SMARCA4: variants seen among roughly 807,000 people sequenced by gnomAD.
SMARCA4 encodes SWI/SNF-related matrix-associated actin-dependent regulator of chromatin subfamily A member 4.
Under a neutral mutation model 193.9 loss-of-function variants are expected in SMARCA4, and 31 were observed. The observed-to-expected ratio is 0.16, with a 90% CI of 0.12 to 0.22. The LOEUF is 0.22. Ranked by LOEUF, SMARCA4 falls within the 10% of genes least tolerant of loss-of-function variation. The pLI, the probability that SMARCA4 is intolerant of heterozygous loss-of-function variation, is 1.00. For missense variants in SMARCA4, 1,148 were observed against 2,296.0 expected (o/e 0.50, Z 10.22); for synonymous variants, 942 against 933.1 (o/e 1.01, Z -0.17).
At chr19:11,048,921 C>T (rs985478904) in intron 30 of SMARCA4, among the ~76,000 whole-genome samples, 4 of 152,212 alleles carry the variant, frequency 2.6e-5, no homozygotes, top group Non-Finnish European at 5.9e-5. Flanking sequence ...CCTCCCAAGG[C>T]CCTGGAGTGT....
At chr19:11,054,326 G>A (rs1345048011) in intron 30 of SMARCA4, among the ~76,000 whole-genome samples, 3 of 152,200 alleles carry the variant, frequency 2.0e-5, no homozygotes, top group East Asian at 1.9e-4. Context: ...TGCCCACCTC[G>A]GGACCTGCTG....
At chr19:11,059,108 T>A in intron 32 of SMARCA4, 1 of 510,400 alleles carries the variant, frequency 2.0e-6, no homozygotes, top group Non-Finnish European at 3.5e-6. Flanking sequence ...GACCCTGTCT[T>A]TAAAAAAAAA....
chr19:11,024,216 G>A, intron 20 of SMARCA4, 115 bp from the exon 21 acceptor site: 1 of 754,722 alleles, frequency 1.3e-6, no homozygotes, highest in East Asian at 2.5e-5. Flanking sequence ...ACACCCCAGT[G>A]TGCTCTGGTC....
rs2086207488 is a variant in SMARCA4, at chr19:10,987,928, A to T, written c.1118+4A>T. ...TCCTGCAGGAGCGCGAGTACAGGTG[A>T]GGGCGGGGCCCAGTTGCCAAGGTCA... On this transcript the variant is annotated splice_donor_region_variant and intron_variant, in intron 6 of 34. Coordinates refer to ENST00000344626, the MANE Select transcript of SMARCA4 (RefSeq NM_003072.5). The surrounding 1 kb of genome is among the most constrained non-coding windows in gnomAD (Gnocchi z 5.3). 6.2e-7 allele frequency: 1 copy of T among 1,612,170 alleles called. No individual in the cohort carries two copies. The highest frequency in any genetic ancestry group is 8.5e-7 in the Non-Finnish European group (1 of 1,179,860).
At position 11,019,597 on chromosome 19, in the gene SMARCA4, C is replaced by A. The variant is rs2146372969; in HGVS notation, c.2512C>A (p.Pro838Thr). The A allele has an allele frequency of 6.2e-7, 1 of 1,609,728 alleles. No individual in the cohort carries two copies. The highest frequency in any genetic ancestry group is 8.5e-7 in the Non-Finnish European group (1 of 1,177,568). ...SVVKVSYKGSPAARRAFVPQL... is the reference protein window; with the variant it reads ...SVVKVSYKGSTAARRAFVPQL... ...CATCCTGCTTCCCTTGCAGGGATCCCCAGCAGCAAGACGGGCCTTTGTCCC... is the reference window on the plus strand; with the variant it reads ...CATCCTGCTTCCCTTGCAGGGATCCACAGCAGCAAGACGGGCCTTTGTCCC... The change falls in exon 18 of 35, where the codon CCA (proline) becomes ACA (threonine). Residue 838 changes from proline to threonine, a missense_variant. Pro to Thr is a conservative substitution (Grantham distance 38, BLOSUM62 -1). Coordinates refer to ENST00000344626, the MANE Select transcript of SMARCA4 (RefSeq NM_003072.5). This position sits in a 1 kb window ranked among gnomAD's most constrained non-coding sequence, Gnocchi z 6.1.
At chr19:10,975,908 C>T (rs368419786) in intron 1 of SMARCA4, among the ~76,000 whole-genome samples, 3 of 152,298 alleles carry the variant, frequency 2.0e-5, no homozygotes, top group East Asian at 1.9e-4. Flanking sequence ...ATCCAAGGGC[C>T]GCACACATCT....
rs2083759899 is a variant in SMARCA4 at position 10,961,158 on chromosome 19, G to C, written c.-48G>C. The C allele has an allele frequency of 2.0e-5, 3 of 148,778 alleles. No individual in the cohort carries two copies. In the East Asian group the frequency reaches 5.9e-4, roughly 29 times the overall value. The allele number at this position is 148,778 out of a possible 1,614,324, so 9.2% of individuals were successfully genotyped here. On this transcript the variant is annotated 5_prime_UTR_variant, in exon 1 of 35. Transcript: ENST00000344626. ...GCGGGGGAGGCGCCGGGAAGTCGAC[G>C]GCGCCGGCGGCTCCTGGTAAGGAAC...
chr19:11,058,094 G>A lies in SMARCA4; in HGVS notation c.4425-161G>A, dbSNP rs1157449067. The stretch of plus-strand genomic sequence containing the variant: ...GCACTCCAGCCTGGGCAGCAAGAGC[G>A]AAACTCCGTCTCAAAAAAAAAAAAA... On this transcript the variant is annotated intron_variant, in intron 30 of 34. Coordinates refer to ENST00000344626, the MANE Select transcript of SMARCA4 (RefSeq NM_003072.5). The surrounding 1 kb of genome is among the most constrained non-coding windows in gnomAD (Gnocchi z 5.8). 6.9e-6 allele frequency among the ~76,000 whole-genome samples: 1 copy of A among 144,116 alleles called. No individual in the cohort carries two copies. Among genetic ancestry groups the A allele is most frequent in the Non-Finnish European group, 1.5e-5 (1 of 65,612 alleles). The allele number at this position is 144,116 out of a possible 152,430, so 94.5% of individuals were successfully genotyped here. A position where few individuals can be genotyped will look rare whatever the true frequency, so the allele number is the denominator to read the frequency against.
At chr19:10,961,772 T>C (rs1027226270) in intron 1 of SMARCA4, 7 of 152,106 alleles carry the variant, frequency 4.6e-5, no homozygotes, top group Non-Finnish European at 7.4e-5. Context: ...GACTTCAAAA[T>C]GTTTGCCCGA....
chr19:11,018,752 T>G (rs2089599815), intron 16 of SMARCA4: 3 of 675,886 alleles, frequency 4.4e-6, no homozygotes, highest in Non-Finnish European at 8.2e-6. Flanking sequence ...TGGCCTCCCT[T>G]CTGTCCTCTG....
intron 30 of SMARCA4, among the ~76,000 whole-genome samples, chr19:11,046,366 A>G (rs1369938458): frequency 6.6e-6 from 1 of 152,212 alleles, no homozygotes; most frequent in Non-Finnish European, 1.5e-5. Flanking sequence ...TCACACAGCA[A>G]TGCTCCTGTC....
rs1555763943 is a variant in SMARCA4 at position 10,996,498 on chromosome 19, C to T, written c.1766C>T (p.Ala589Val). ...EKKKKKKKKK[A>V]ENAEGQTPAI... is the part of the protein sequence containing the mutation. ...CGTGTCTCTCTCTATTTCCAGAAGG[C>T]AGAAAATGCAGAAGGACAGACGCCT... The change falls in exon 11 of 35, where the codon GCA becomes GTA. Residue 589 changes from alanine to valine, a missense_variant. By Grantham distance (64) the Ala-to-Val change is moderately conservative. Transcript: ENST00000344626. 6.2e-7 allele frequency: 1 copy of T among 1,614,228 alleles called. No individual in the cohort carries two copies. Among genetic ancestry groups the T allele is most frequent in the Non-Finnish European group, 8.5e-7 (1 of 1,180,034 alleles).
At chr19:11,027,160 G>A (rs931303558) in intron 23 of SMARCA4, among the ~76,000 whole-genome samples, 3 of 152,222 alleles carry the variant, frequency 2.0e-5, no homozygotes, top group Non-Finnish European at 2.9e-5. Flanking sequence ...CAAGAAGAGA[G>A]GCGCCTAATG....
In SMARCA4 at chr19:11,034,268, C is replaced by T. The variant is rs750667834; in HGVS notation, c.3951+68C>T. On this transcript the variant is annotated intron_variant, in intron 28 of 34. Coordinates refer to ENST00000344626, the MANE Select transcript of SMARCA4 (RefSeq NM_003072.5). This position sits in a 1 kb window ranked among gnomAD's most constrained non-coding sequence, Gnocchi z 7.0. ...CTGCTGCCACCAGGAGCAAAGCAGA[C>T]GTCCTAGTGCCCATGGTGGTATCCC... 1.1e-4 allele frequency: 128 copies of T among 1,215,744 alleles called. No homozygotes were observed. The highest frequency in any genetic ancestry group is 1.4e-4 in the Non-Finnish European group (116 of 818,874). 75.3% of individuals were successfully genotyped at this position (1,215,744 alleles called of 1,614,324 possible).
In SMARCA4 at chr19:10,986,571, T is replaced by G; in HGVS notation, c.738T>G (p.Pro246=). ...CCGGCCCGGGTCCCGGCCCGGCACC[T>G]CCAAATTACAGCAGGCCTCATGGTA... ...PGPGPGPGPA[P]PNYSRPHGMG... The change falls in exon 4 of 35, where the codon CCT becomes CCG. Residue 246 remains proline, a synonymous_variant. Coordinates refer to ENST00000344626, the MANE Select transcript of SMARCA4 (RefSeq NM_003072.5). The surrounding 1 kb of genome is among the most constrained non-coding windows in gnomAD (Gnocchi z 6.7). The G allele has an allele frequency of 6.5e-7, 1 of 1,536,928 alleles. No homozygotes were observed. The highest frequency in any genetic ancestry group is 1.4e-5 in the African/African-American group (1 of 73,098).
At chr19:11,002,799 CAAAAAAAAA>C (rs747143883) in intron 11 of SMARCA4, among the ~76,000 whole-genome samples, 1 of 83,680 alleles carries the variant, frequency 1.2e-5, no homozygotes, top group Non-Finnish European at 2.4e-5. Context: ...GACTCCGTCT[CAAAAAAAAA>C]AAAAAAAAAA....
At position 11,044,574 on chromosome 19, in the gene SMARCA4, G is replaced by A. The variant is rs1394766473; in HGVS notation, c.4424+3014G>A. On this transcript the variant is annotated intron_variant, in intron 30 of 34. Transcript: ENST00000344626. ...GCATCACAACTTCAAGAAAATGCTC[G>A]TTAAAACCAGAGTGACTTGCACCAG... Among the ~76,000 whole-genome samples, 5 of 152,240 alleles carry A rather than the reference G, an allele frequency of 3.3e-5. No homozygotes were observed. In the East Asian group the frequency reaches 5.8e-4, roughly 18 times the overall value.
rs1555771694 is a variant in SMARCA4, at chr19:11,008,021, T to C, written c.2121T>C (p.Ile707=). The C allele has an allele frequency of 6.2e-7, 1 of 1,612,794 alleles. No homozygotes were observed. Among genetic ancestry groups the C allele is most frequent in the Non-Finnish European group, 8.5e-7 (1 of 1,179,268 alleles). The part of the protein sequence containing the change: ...DVSEVDARHI[I]ENAKQDVDDE... ...CTGAGGTGGACGCGCGGCACATCATTGAGTAAGGGGTCCCGACACAGGTTG... is the reference window on the plus strand; with the variant it reads ...CTGAGGTGGACGCGCGGCACATCATCGAGTAAGGGGTCCCGACACAGGTTG... Residue 707 remains isoleucine (I), a splice_region_variant and synonymous_variant, in exon 14 of 35, where the codon ATT becomes ATC. Transcript: ENST00000344626.
chr19:11,001,771 C>A (rs1172132273), intron 11 of SMARCA4, among the ~76,000 whole-genome samples: 3 of 152,158 alleles, frequency 2.0e-5, no homozygotes, highest in Non-Finnish European at 4.4e-5. Context: ...GTTATAAATT[C>A]CTGGAAGATG....
Sources: allele counts gnomAD v4.1 joint callset (sites outside exome capture counted in the v4.1 genomes callset), GRCh38; gene constraint gnomAD v4.1.1; non-coding constraint Gnocchi (gnomAD v3.1); transcripts MANE v1.5; gene names NCBI Gene and HGNC (gene_info 2026-07-23, HGNC 2026-07-21).